AP2B1: variants seen among roughly 807,000 people sequenced by gnomAD.
AP2B1 encodes the protein AP-2 complex subunit beta.
Under a neutral mutation model 102.0 loss-of-function variants are expected in AP2B1, and 23 were observed. That is an observed-to-expected ratio of 0.23 (90% CI 0.16 to 0.32). The LOEUF (loss-of-function observed/expected upper bound fraction) is 0.32. AP2B1 is among the 10% of genes least tolerant of loss of function. The pLI is 1.00. For missense variants in AP2B1, 541 were observed against 1,157.4 expected, an observed-to-expected ratio of 0.47 and a Z score of 7.73; for synonymous variants, 381 against 421.2, an observed-to-expected ratio of 0.90 and a Z score of 1.17.
intron 18 of AP2B1, among the ~76,000 whole-genome samples, chr17:35,708,451 AC>A (rs1396676344): frequency 6.6e-6 from 1 of 151,976 alleles, no homozygotes; most frequent in Non-Finnish European, 1.5e-5. Context: ...AAAAAAAAAA[AC>A]AAACAAACAG....
At position 35,673,329 on chromosome 17, in the gene AP2B1, C is replaced by T. The variant is rs1021263040; in HGVS notation, c.2179-847C>T. 4.6e-5 allele frequency among the ~76,000 whole-genome samples: 7 copies of T among 152,122 alleles called. 1 individual carries two copies. In the East Asian group the frequency reaches 5.8e-4, roughly 13 times the overall value. ...CCTCCCCAGTAGCTGGGACTACAGG[C>T]GCCCGCCACCACTCCTAGCTAATTT... is the stretch of plus-strand genomic sequence containing the variant. On this transcript the variant is annotated intron_variant, in intron 16 of 21. Transcript: ENST00000610402.
chr17:35,701,804 A>G (rs976595537), intron 18 of AP2B1, among the ~76,000 whole-genome samples: 1 of 152,128 alleles, frequency 6.6e-6, no homozygotes, highest in Non-Finnish European at 1.5e-5. Flanking sequence ...TTTGATAGAG[A>G]CAAGGTCTCA....
At chr17:35,593,461 A>G (rs986942511) in intron 1 of AP2B1, among the ~76,000 whole-genome samples, 2 of 142,368 alleles carry the variant, frequency 1.4e-5, no homozygotes, top group African/African-American at 5.2e-5. Flanking sequence ...AAAAAATTCC[A>G]TGCATAAGTC....
chr17:35,690,389 G>A (rs779433708), intron 18 of AP2B1, among the ~76,000 whole-genome samples: 1 of 152,166 alleles, frequency 6.6e-6, no homozygotes, highest in Admixed American at 6.5e-5. Context: ...AGCCTTGTGG[G>A]GAGCTAAATT....
rs2074794001 is a variant in AP2B1, at chr17:35,641,924, A to G, written c.1485A>G (p.Lys495=). 6.2e-7 allele frequency: 1 copy of G among 1,612,670 alleles called. No homozygotes were observed. Among genetic ancestry groups the G allele is most frequent in the Non-Finnish European group, 8.5e-7 (1 of 1,178,954 alleles). The change falls in exon 12 of 22, where the codon AAA becomes AAG. Residue 495 remains lysine, a synonymous_variant. Transcript: ENST00000610402. ...CCATAGTGAAGCTGTTTCTCAAGAA[A>G]CCATCAGAAACACAGGAGCTAGTCC... ...LTAIVKLFLK[K]PSETQELVQQ...
chr17:35,650,983 A>G (rs1357526872), intron 13 of AP2B1, 194 bp downstream of exon 13: 1 of 570,408 alleles, frequency 1.8e-6, no homozygotes, highest in African/African-American at 1.9e-5. Flanking sequence ...CCATCTGAAT[A>G]CCAGTGACCA....
intron 15 of AP2B1, among the ~76,000 whole-genome samples, 189 bp from the exon 16 acceptor site, chr17:35,671,565 T>C (rs6505488): frequency 5.9e-5 from 9 of 152,218 alleles, no homozygotes; most frequent in Non-Finnish European, 1.3e-4. Context: ...TGTGTGTTCT[T>C]ATCAATGACG....
At chr17:35,680,705 T>TG (rs199742316) in intron 17 of AP2B1, among the ~76,000 whole-genome samples, 1,684 of 147,960 alleles carry the variant, frequency 0.011, 24 homozygotes, top group Middle Eastern at 0.035. Flanking sequence ...TTTTTGTTTT[T>TG]TTTTTTTTTT....
intron 9 of AP2B1, among the ~76,000 whole-genome samples, chr17:35,629,474 T>G (rs921062054): frequency 2.0e-5 from 3 of 152,184 alleles, no homozygotes; most frequent in African/African-American, 7.2e-5. Flanking sequence ...TATTGGTATA[T>G]TTTTCCTTGC....
At chr17:35,611,498 C>G (rs1379579599) in intron 5 of AP2B1, among the ~76,000 whole-genome samples, 1 of 152,068 alleles carries the variant, frequency 6.6e-6, no homozygotes, top group Non-Finnish European at 1.5e-5. Flanking sequence ...CGCACGTGCG[C>G]ACACACACTC....
chr17:35,644,943 G>A (rs1567887818), intron 12 of AP2B1, among the ~76,000 whole-genome samples: 1 of 151,774 alleles, frequency 6.6e-6, no homozygotes, highest in Non-Finnish European at 1.5e-5. Context: ...GAGGTGGGAG[G>A]ATCGCTTGAG....
At chr17:35,667,041 G>A (rs1474482678) in intron 14 of AP2B1, among the ~76,000 whole-genome samples, 4 of 152,164 alleles carry the variant, frequency 2.6e-5, no homozygotes, top group Admixed American at 2.0e-4. Context: ...CAACTTTCTT[G>A]TGTAGTTGTT....
rs965390209 is a variant in AP2B1 at position 35,619,228 on chromosome 17, AGTT to A, written c.526-5165_526-5163del. On this transcript the variant is annotated intron_variant, in intron 5 of 21. Transcript: ENST00000610402. ...TGGCTTTTAGTAGCAGCTACTTCAGAGTTGTTATGAGGATTAATAGCACAAAGT... is the reference window on the plus strand; with the variant it reads ...TGGCTTTTAGTAGCAGCTACTTCAGAGTTATGAGGATTAATAGCACAAAGT... 5.3e-4 allele frequency among the ~76,000 whole-genome samples: 81 copies of A among 152,226 alleles called. 2 individuals carry two copies. The highest frequency in any genetic ancestry group is 1.0e-4 in the Non-Finnish European group (7 of 68,040).
intron 17 of AP2B1, among the ~76,000 whole-genome samples, chr17:35,680,047 C>T (rs1051381113): frequency 2.9e-4 from 44 of 151,556 alleles, no homozygotes; most frequent in Admixed American, 1.3e-4. Context: ...GAATTACAGA[C>T]GCCCACGACC....
At chr17:35,613,842 G>C (rs1323926235) in intron 5 of AP2B1, among the ~76,000 whole-genome samples, 3 of 152,218 alleles carry the variant, frequency 2.0e-5, no homozygotes, top group African/African-American at 7.2e-5. Flanking sequence ...CTTGTCGTCA[G>C]ATGTGGACTT....
chr17:35,592,060 G>T (rs2073117594), intron 1 of AP2B1, among the ~76,000 whole-genome samples: 2 of 152,108 alleles, frequency 1.3e-5, no homozygotes, highest in Admixed American at 1.3e-4. Context: ...AACTGTACAA[G>T]TAGCACGTTT....
At chr17:35,647,624 A>G (rs755443217) in intron 12 of AP2B1, among the ~76,000 whole-genome samples, 11 of 152,166 alleles carry the variant, frequency 7.2e-5, no homozygotes, top group Non-Finnish European at 1.2e-4. Flanking sequence ...CTGTATTGCA[A>G]TGTTCTATAT....
At chr17:35,602,730 T>G (rs993172720) in intron 3 of AP2B1, among the ~76,000 whole-genome samples, 4 of 152,214 alleles carry the variant, frequency 2.6e-5, no homozygotes, top group African/African-American at 9.6e-5. Flanking sequence ...CACATTGTGT[T>G]TAGTAGTCAC....
chr17:35,592,628 C>T (rs778707182), intron 1 of AP2B1, among the ~76,000 whole-genome samples: 31 of 152,034 alleles, frequency 2.0e-4, no homozygotes, highest in Non-Finnish European at 3.8e-4. Context: ...CTGCAGCTTC[C>T]GCCTCCCAGG....
Sources: allele counts gnomAD v4.1 joint callset (sites outside exome capture counted in the v4.1 genomes callset), GRCh38; gene constraint gnomAD v4.1.1; transcripts MANE v1.5; gene names NCBI Gene and HGNC (gene_info 2026-07-23, HGNC 2026-07-21).